The following KCNMB2 variants were observed in gnomAD, a reference collection of about 807,000 sequenced individuals.
KCNMB2 encodes potassium calcium-activated channel subfamily M regulatory beta subunit 2, also known as calcium-activated potassium channel subunit beta-2.
Under a neutral mutation model 24.5 loss-of-function variants are expected in KCNMB2, and 9 were observed. The ratio of observed to expected loss-of-function variants is 0.37; its 90% CI spans 0.22 to 0.64. KCNMB2 has a LOEUF of 0.64. Ranked by LOEUF, KCNMB2 falls within the 30% of genes least tolerant of loss-of-function variation. The pLI, the probability that KCNMB2 is intolerant of heterozygous loss-of-function variation, is 0.63. For missense variants in KCNMB2, 226 were observed against 284.3 expected (o/e 0.79, Z 1.47); for synonymous variants, 109 against 104.4 (o/e 1.04, Z -0.27).
chr3:178,661,920 G>A (rs1346143840), intron 1 of KCNMB2, among the ~76,000 whole-genome samples: 1 of 152,072 alleles, frequency 6.6e-6, no homozygotes, highest in East Asian at 1.9e-4. Flanking sequence ...ACAGGATAAG[G>A]TGGCTGTTAT....
chr3:178,806,224 T>C (rs1024662441), intron 1 of KCNMB2, among the ~76,000 whole-genome samples: 1 of 152,204 alleles, frequency 6.6e-6, no homozygotes, highest in Non-Finnish European at 1.5e-5. Context: ...CTCTTCTAAA[T>C]GTAAGCAAAA....
At chr3:178,644,877 GA>G (rs573619731) in intron 1 of KCNMB2, among the ~76,000 whole-genome samples, 205 of 152,088 alleles carry the variant, frequency 1.3e-3, no homozygotes, top group African/African-American at 4.8e-3. Context: ...ATAAAATAGG[GA>G]TAAGAATGTA....
chr3:178,685,843 C>T (rs893578845), intron 1 of KCNMB2, among the ~76,000 whole-genome samples: 1 of 152,100 alleles, frequency 6.6e-6, no homozygotes, highest in African/African-American at 2.4e-5. Context: ...CAGTTAATAC[C>T]TTCTAAGTAA....
intron 1 of KCNMB2, among the ~76,000 whole-genome samples, chr3:178,567,090 A>G (rs1716553925): frequency 1.3e-5 from 2 of 152,222 alleles, no homozygotes; most frequent in South Asian, 4.1e-4. Flanking sequence ...TATTGAAGGT[A>G]TACTTTGCAT....
rs1481384204 is a variant in KCNMB2 at position 178,809,441 on chromosome 3, T to A, written c.56+1976T>A. ...TGTTCTCTTAAGATAGATATTATTA[T>A]GCTGGCTTCACAGATGAGGAAACTG... On this transcript the variant is annotated intron_variant, in intron 2 of 4. Transcript: ENST00000452583. Among the ~76,000 whole-genome samples the A allele has an allele frequency of 2.0e-5, 3 of 152,352 alleles. No homozygotes were observed. In the South Asian group the frequency reaches 6.2e-4, roughly 32 times the overall value.
intron 1 of KCNMB2, among the ~76,000 whole-genome samples, chr3:178,551,997 G>A (rs556541904): frequency 3.9e-5 from 6 of 152,248 alleles, no homozygotes; most frequent in East Asian, 3.9e-4. Context: ...CCAGAGCTCC[G>A]GAACCCAGAG....
At chr3:178,643,548 T>G (rs1719803145) in intron 1 of KCNMB2, among the ~76,000 whole-genome samples, 1 of 152,182 alleles carries the variant, frequency 6.6e-6, no homozygotes, top group Admixed American at 6.5e-5. Flanking sequence ...GACTTTCCTG[T>G]GCATTTCTTT....
chr3:178,584,363 G>C (rs1301617090), intron 1 of KCNMB2, among the ~76,000 whole-genome samples: 2 of 152,218 alleles, frequency 1.3e-5, no homozygotes, highest in Non-Finnish European at 2.9e-5. Flanking sequence ...CTTTGCCACA[G>C]GCAATAGTTG....
intron 1 of KCNMB2, among the ~76,000 whole-genome samples, chr3:178,572,587 G>T (rs1716844994): frequency 6.6e-6 from 1 of 152,090 alleles, no homozygotes. Context: ...AAAAAGACTT[G>T]CAATTTTGTG....
At chr3:178,801,497 G>A (rs1713775486) in intron 1 of KCNMB2, among the ~76,000 whole-genome samples, 1 of 152,154 alleles carries the variant, frequency 6.6e-6, no homozygotes, top group Admixed American at 6.6e-5. Flanking sequence ...ATCAAATTGG[G>A]AGAGAAAAGT....
chr3:178,742,511 A>G (rs763590931), intron 1 of KCNMB2, among the ~76,000 whole-genome samples: 1 of 152,236 alleles, frequency 6.6e-6, no homozygotes, highest in Non-Finnish European at 1.5e-5. Flanking sequence ...AGGCAAAACT[A>G]AAGCCAAAGT....
chr3:178,612,764 A>T (rs1718528117), intron 1 of KCNMB2, among the ~76,000 whole-genome samples: 1 of 152,138 alleles, frequency 6.6e-6, no homozygotes, highest in Middle Eastern at 3.4e-3. Flanking sequence ...TAAGGACTTA[A>T]TCCTGTCATT....
chr3:178,734,133 C>T (rs945890952), intron 1 of KCNMB2, among the ~76,000 whole-genome samples: 1 of 152,112 alleles, frequency 6.6e-6, no homozygotes, highest in African/African-American at 2.4e-5. Flanking sequence ...AATGAGATAA[C>T]TTGGGAGGGT....
intron 2 of KCNMB2, among the ~76,000 whole-genome samples, chr3:178,813,417 A>G (rs1012356295): frequency 6.6e-6 from 1 of 152,166 alleles, no homozygotes; most frequent in African/African-American, 2.4e-5. Context: ...TATGTTATAT[A>G]TGTGTTTTTA....
In KCNMB2 at chr3:178,842,772, C is replaced by T. The variant is rs1165125549; in HGVS notation, c.543C>T (p.Asn181=). The change falls in exon 5 of 5, where the codon AAC becomes AAT. Residue 181 remains asparagine, a synonymous_variant. Coordinates refer to ENST00000452583, the MANE Select transcript of KCNMB2 (RefSeq NM_181361.3). ...CCTGCTATTCTGACCCAGAAGGAAA[C>T]CAGAAGAGTGTTATCCTAACAAAAC... is the stretch of plus-strand genomic sequence containing the variant. The part of the protein sequence containing the change: ...HFSCYSDPEG[N]QKSVILTKLY... The T allele has an allele frequency of 1.2e-6, 2 of 1,613,754 alleles. No individual in the cohort carries two copies. The highest frequency in any genetic ancestry group is 1.7e-5 in the Admixed American group (1 of 59,992).
chr3:178,673,635 G>A (rs766896558), intron 1 of KCNMB2, among the ~76,000 whole-genome samples: 3 of 152,102 alleles, frequency 2.0e-5, no homozygotes, highest in Non-Finnish European at 4.4e-5. Context: ...CCAAGACAGT[G>A]CTCCAACACT....
intron 1 of KCNMB2, among the ~76,000 whole-genome samples, chr3:178,598,952 T>C (rs1717979079): frequency 6.6e-6 from 1 of 151,982 alleles, no homozygotes; most frequent in African/African-American, 2.4e-5. Flanking sequence ...AGACTCGAGG[T>C]TGGAATTTTC....
chr3:178,651,916 T>C (rs1171357020), intron 1 of KCNMB2, among the ~76,000 whole-genome samples: 1 of 152,100 alleles, frequency 6.6e-6, no homozygotes, highest in African/African-American at 2.4e-5. Context: ...ATACAAAAGT[T>C]AACTCAAGAT....
intron 1 of KCNMB2, among the ~76,000 whole-genome samples, chr3:178,740,349 T>C (rs1723455156): frequency 6.6e-6 from 1 of 152,066 alleles, no homozygotes; most frequent in Non-Finnish European, 1.5e-5. Context: ...CTCGATCTCC[T>C]GACCTCATGA....
Sources: allele counts gnomAD v4.1 joint callset (sites outside exome capture counted in the v4.1 genomes callset), GRCh38; gene constraint gnomAD v4.1.1; transcripts MANE v1.5; gene names NCBI Gene and HGNC (gene_info 2026-07-23, HGNC 2026-07-21).